Variants in DOCK1 observed in about 807,000 individuals in gnomAD.
DOCK1 encodes dedicator of cytokinesis 1.
A neutral mutation model predicts 262.7 loss-of-function variants in DOCK1; 138 were observed. The ratio of observed to expected loss-of-function variants is 0.53; its 90% CI spans 0.46 to 0.61. DOCK1 has a LOEUF of 0.61. DOCK1 is among the 20% of genes least tolerant of loss of function. The pLI, the probability that DOCK1 is intolerant of heterozygous loss-of-function variation, is 0.00. For synonymous variants in DOCK1, 866 were observed against 867.4 expected (o/e 1.00, Z 0.03); for missense variants, 1,908 against 2,370.7 (o/e 0.80, Z 4.05).
chr10:126,922,525 C>T (rs1376859557), intron 1 of DOCK1, among the ~76,000 whole-genome samples: 2 of 152,126 alleles, frequency 1.3e-5, no homozygotes, highest in African/African-American at 4.8e-5. Context: ...ACTTGGTCCT[C>T]ACCAAGAGGA....
chr10:127,284,247 G>C (rs1340727197), intron 29 of DOCK1, among the ~76,000 whole-genome samples: 3 of 151,866 alleles, frequency 2.0e-5, no homozygotes, highest in African/African-American at 7.3e-5. Context: ...TTCTGTGGTG[G>C]TGTTTGCCCA....
Position 127,328,818 on chromosome 10 carries a change from A to G in DOCK1, c.3045-10188A>G, listed in dbSNP as rs188004062. Among the ~76,000 whole-genome samples the G allele has an allele frequency of 5.9e-5, 9 of 152,186 alleles. No individual in the cohort carries two copies. In the East Asian group the frequency reaches 1.7e-3, roughly 29 times the overall value. On this transcript the variant is annotated intron_variant, in intron 29 of 51. Coordinates refer to ENST00000623213, the MANE Select transcript of DOCK1 (RefSeq NM_001290223.2). ...GTTTTGATTTATTTTTTAATCATGA[A>G]ACTGAGTCACACCAATGGTACAGAT...
intron 1 of DOCK1, among the ~76,000 whole-genome samples, chr10:126,939,969 C>T (rs1417291871): frequency 6.6e-6 from 1 of 152,138 alleles, no homozygotes; most frequent in Non-Finnish European, 1.5e-5. Context: ...CTGGTGGCTG[C>T]ATTTAGCCCT....
intron 23 of DOCK1, among the ~76,000 whole-genome samples, chr10:127,095,112 A>G (rs1317143575): frequency 1.3e-5 from 2 of 152,224 alleles, no homozygotes; most frequent in East Asian, 1.9e-4. Context: ...AATTCCTGGC[A>G]AGTGGATTGT....
At position 126,913,682 on chromosome 10, in the gene DOCK1, C is replaced by T. The variant is rs115763649; in HGVS notation, c.46+8119C>T. 4.9e-3 allele frequency among the ~76,000 whole-genome samples: 754 copies of T among 152,332 alleles called. 5 individuals are homozygous for T. The highest frequency in any genetic ancestry group is 0.017 in the African/African-American group (727 of 41,568). ...ATGCACGTGGGAAACTGAGTATCCACGCAGGCACTCCCTGTCTTCAAAAGG... is the reference window on the plus strand; with the variant it reads ...ATGCACGTGGGAAACTGAGTATCCATGCAGGCACTCCCTGTCTTCAAAAGG... On this transcript the variant is annotated intron_variant, in intron 1 of 51. Transcript: ENST00000623213.
intron 38 of DOCK1, among the ~76,000 whole-genome samples, chr10:127,396,844 C>T (rs1013710273): frequency 3.3e-4 from 50 of 152,114 alleles, no homozygotes; most frequent in African/African-American, 1.0e-3. Flanking sequence ...AAGGACTTGC[C>T]GTGGAATAAA....
chr10:127,125,218 T>C (rs975640401), intron 25 of DOCK1, among the ~76,000 whole-genome samples: 3 of 152,218 alleles, frequency 2.0e-5, no homozygotes, highest in Admixed American at 6.5e-5. Context: ...ATATATATCA[T>C]GTATGCTTGC....
At chr10:127,278,908 C>T (rs2060843508) in intron 29 of DOCK1, among the ~76,000 whole-genome samples, 1 of 152,186 alleles carries the variant, frequency 6.6e-6, no homozygotes, top group East Asian at 1.9e-4. Flanking sequence ...CACAGGCTGA[C>T]TCCTGAAGTC....
rs1161003317 is a variant in DOCK1, at chr10:127,339,098, T to C, written c.3123+14T>C. On this transcript the variant is annotated intron_variant, in intron 30 of 51. Coordinates refer to ENST00000623213, the MANE Select transcript of DOCK1 (RefSeq NM_001290223.2). ...TTTGAGCTACAGGTAAGAGAAGAGG[T>C]AGACACGACCTTTGTGGAGAAATCA... is the stretch of plus-strand genomic sequence containing the variant. The C allele has an allele frequency of 1.3e-6, 2 of 1,559,300 alleles. No individual in the cohort carries two copies.
chr10:126,964,572 GA>G (rs1454526146), intron 1 of DOCK1, among the ~76,000 whole-genome samples: 2 of 152,248 alleles, frequency 1.3e-5, no homozygotes, highest in African/African-American at 2.4e-5. Context: ...GAAAGGAAAT[GA>G]GAACACAGAG....
intron 47 of DOCK1, among the ~76,000 whole-genome samples, chr10:127,426,214 A>G (rs779885035): frequency 2.6e-5 from 4 of 152,184 alleles, no homozygotes; most frequent in Non-Finnish European, 4.4e-5. Context: ...TGGAAATGTC[A>G]GGGCGAATAA....
rs777876080 is a variant in DOCK1, at chr10:127,175,854, A to G, written c.2847+48090A>G. 3 of 1,613,900 alleles carry G rather than the reference A, an allele frequency of 1.9e-6. No homozygotes were observed. The highest frequency in any genetic ancestry group is 2.2e-5 in the East Asian group (1 of 44,858). ...CCCCAAAGGCTGGTCCACTGTGTTC[A>G]TGTGTTGGTTGGAATGGAAAACCAA... is the stretch of plus-strand genomic sequence containing the variant. On this transcript the variant is annotated intron_variant, in intron 27 of 51. Transcript: ENST00000623213. This position sits in a 1 kb window ranked among gnomAD's most constrained non-coding sequence, Gnocchi z 6.3.
At chr10:127,122,096 C>G (rs1321238856) in intron 25 of DOCK1, among the ~76,000 whole-genome samples, 2 of 152,182 alleles carry the variant, frequency 1.3e-5, no homozygotes, top group African/African-American at 4.8e-5. Flanking sequence ...GTACCTGGGT[C>G]CAGTGGGGGC....
At chr10:127,260,216 C>T (rs1178270812) in intron 29 of DOCK1, among the ~76,000 whole-genome samples, 4 of 152,194 alleles carry the variant, frequency 2.6e-5, no homozygotes, top group African/African-American at 7.2e-5. Flanking sequence ...GGACCAAAGC[C>T]TTTGCGTCTT....
At chr10:127,112,672 G>C (rs2048937861) in intron 25 of DOCK1, among the ~76,000 whole-genome samples, 1 of 152,184 alleles carries the variant, frequency 6.6e-6, no homozygotes, top group Non-Finnish European at 1.5e-5. Flanking sequence ...AAATGAGGTT[G>C]TATGAAATAT....
At chr10:127,236,938 G>C (rs187736333) in intron 27 of DOCK1, among the ~76,000 whole-genome samples, 24 of 152,246 alleles carry the variant, frequency 1.6e-4, no homozygotes, top group African/African-American at 5.3e-4. Flanking sequence ...TAAATAGCCT[G>C]TTAAAATTTA....
intron 1 of DOCK1, among the ~76,000 whole-genome samples, chr10:126,963,109 A>C (rs1443606351): frequency 6.6e-6 from 1 of 152,160 alleles, no homozygotes; most frequent in Non-Finnish European, 1.5e-5. Flanking sequence ...ACAGTACTAC[A>C]CTGTTTTGAT....
intron 23 of DOCK1, among the ~76,000 whole-genome samples, chr10:127,066,885 G>T (rs183780718): frequency 6.6e-6 from 1 of 152,180 alleles, no homozygotes; most frequent in Non-Finnish European, 1.5e-5. Context: ...GGGGTAACGC[G>T]CTGGTTTAAA....
Position 127,175,752 on chromosome 10 carries a change from G to C in DOCK1, c.2847+47988G>C. The C allele has an allele frequency of 6.2e-7, 1 of 1,614,154 alleles. No homozygotes were observed. ...CTGGTAATCGGGCTCTTCGGATGGA[G>C]GCCGAGTGGAGTTTTGGAGCGCAGC... On this transcript the variant is annotated intron_variant, in intron 27 of 51. Coordinates refer to ENST00000623213, the MANE Select transcript of DOCK1 (RefSeq NM_001290223.2). The surrounding 1 kb of genome is among the most constrained non-coding windows in gnomAD (Gnocchi z 6.3).
Sources: allele counts gnomAD v4.1 joint callset (sites outside exome capture counted in the v4.1 genomes callset), GRCh38; gene constraint gnomAD v4.1.1; non-coding constraint Gnocchi (gnomAD v3.1); transcripts MANE v1.5; gene names NCBI Gene and HGNC (gene_info 2026-07-23, HGNC 2026-07-21).